HECW2: variants seen among roughly 807,000 people sequenced by gnomAD.
HECW2 encodes E3 ubiquitin-protein ligase HECW2.
A neutral mutation model predicts 175.2 loss-of-function variants in HECW2; 61 were observed. The ratio of observed to expected loss-of-function variants is 0.35; its 90% CI spans 0.28 to 0.43. The LOEUF (loss-of-function observed/expected upper bound fraction) is 0.43, where lower values mean the gene tolerates loss of function less well. Ranked by LOEUF, HECW2 falls within the 20% of genes least tolerant of loss-of-function variation. The pLI is 1.00. For missense variants in HECW2, 1,524 were observed against 2,000.5 expected (o/e 0.76, Z 4.54); for synonymous variants, 671 against 731.0 (o/e 0.92, Z 1.32).
At chr2:196,238,189 A>G (rs1319734701) in intron 21 of HECW2, among the ~76,000 whole-genome samples, 1 of 152,192 alleles carries the variant, frequency 6.6e-6, no homozygotes, top group Non-Finnish European at 1.5e-5. Flanking sequence ...AGATCATGCC[A>G]CTGCACTCCA....
At chr2:196,521,550 T>A (rs2125434695) in intron 1 of HECW2, among the ~76,000 whole-genome samples, 1 of 151,440 alleles carries the variant, frequency 6.6e-6, no homozygotes, top group East Asian at 1.9e-4. Context: ...GTTACATATG[T>A]ATACATGTGC....
intron 1 of HECW2, among the ~76,000 whole-genome samples, chr2:196,444,991 T>G (rs554929578): frequency 3.9e-4 from 59 of 152,206 alleles, no homozygotes; most frequent in Non-Finnish European, 7.1e-4. Context: ...GCAGTGTCCA[T>G]GCAATTCTTA....
chr2:196,393,747 G>A (rs1444214074), intron 2 of HECW2, among the ~76,000 whole-genome samples: 4 of 152,190 alleles, frequency 2.6e-5, no homozygotes, highest in African/African-American at 4.8e-5. Flanking sequence ...ACAGTGTGGC[G>A]ATTCCTCAAG....
intron 1 of HECW2, among the ~76,000 whole-genome samples, chr2:196,457,644 C>T (rs976168968): frequency 2.6e-5 from 4 of 152,158 alleles, no homozygotes; most frequent in Admixed American, 6.5e-5. Context: ...AAGTCAACCA[C>T]ACTGGTCCTT....
intron 1 of HECW2, among the ~76,000 whole-genome samples, chr2:196,491,369 TACACACACACACACACACAC>T (rs67409257): frequency 7.7e-6 from 1 of 130,630 alleles, no homozygotes; most frequent in Non-Finnish European, 1.6e-5. Flanking sequence ...CATATATATA[TACACACACACACACACACAC>T]ACACACACAC....
rs549025066 is a variant in HECW2 at position 196,395,317 on chromosome 2, T to C, written c.292+37815A>G. Among the ~76,000 whole-genome samples, 23 of 152,200 alleles carry C rather than the reference T, an allele frequency of 1.5e-4. No homozygotes were observed. In the East Asian group the frequency reaches 3.5e-3, roughly 23 times the overall value. ...GGATTTGGCAATGATTTCTTGAATATGACACCAAAAACACAGTTAACAGGA... is the reference window on the plus strand; with the variant it reads ...GGATTTGGCAATGATTTCTTGAATACGACACCAAAAACACAGTTAACAGGA... On this transcript the variant is annotated intron_variant, in intron 2 of 28. Transcript: ENST00000644978.
intron 1 of HECW2, among the ~76,000 whole-genome samples, chr2:196,583,695 T>C (rs555454950): frequency 6.6e-6 from 1 of 152,344 alleles, no homozygotes; most frequent in African/African-American, 2.4e-5. Flanking sequence ...CCTGTGTCAA[T>C]TAATATCTGA....
At chr2:196,441,381 A>ACAC (rs1696038226) in intron 1 of HECW2, among the ~76,000 whole-genome samples, 1 of 151,156 alleles carries the variant, frequency 6.6e-6, no homozygotes, top group Non-Finnish European at 1.5e-5. Context: ...CACACACACA[A>ACAC]ACACACACAC....
intron 2 of HECW2, among the ~76,000 whole-genome samples, chr2:196,397,070 C>T (rs1177606083): frequency 2.0e-5 from 3 of 152,094 alleles, no homozygotes; most frequent in Non-Finnish European, 2.9e-5. Context: ...CGAGATGGCG[C>T]CACTGCACTC....
Position 196,324,981 on chromosome 2 carries a change from T to G in HECW2, c.740A>C (p.Glu247Ala). ...SNTTNPIWHR[E>A]KYSFFALLTD... ...GGAGACCCCCGAGGATCATCTTACC[T>G]CTCGGTGCCAAATTGGATTGGTGGT... Residue 247 changes from glutamate to alanine, a missense_variant and splice_region_variant, in exon 6 of 29, where the codon GAG becomes GCG. By Grantham distance (107) the Glu-to-Ala change is moderately radical (BLOSUM62 -1). Transcript: ENST00000644978. 1 of 1,568,010 alleles carries G rather than the reference T, an allele frequency of 6.4e-7. No individual in the cohort carries two copies. The highest frequency in any genetic ancestry group is 8.6e-7 in the Non-Finnish European group (1 of 1,161,312).
chr2:196,222,326 C>T lies in HECW2; in HGVS notation c.4031G>A (p.Ser1344Asn). Residue 1344 changes from serine to asparagine, a missense_variant, in exon 24 of 29, where the codon AGT (serine) becomes AAT (asparagine). Physicochemically the swap from Ser to Asn is conservative, Grantham distance 46. This residue lies in a region of HECW2 where 134 missense variants were observed against 287.8 expected (regional missense o/e 0.47). Coordinates refer to ENST00000644978, the MANE Select transcript of HECW2 (RefSeq NM_001348768.2). ...CTCTTCATCAAGGTATTCTAGGTCA[C>T]TCAGGTCACATAGACTAAGATGACA... is the stretch of plus-strand genomic sequence containing the variant. ...KALLRILCDL[S>N]DLEYLDEEFH... The T allele has an allele frequency of 1.9e-6, 3 of 1,613,578 alleles. No individual in the cohort carries two copies. Among genetic ancestry groups the T allele is most frequent in the South Asian group, 1.1e-5 (1 of 91,040 alleles).
intron 1 of HECW2, among the ~76,000 whole-genome samples, chr2:196,491,523 C>A (rs1184406944): frequency 7.0e-6 from 1 of 143,558 alleles, no homozygotes; most frequent in Non-Finnish European, 1.5e-5. Flanking sequence ...CACACACACA[C>A]ACATATACAC....
At chr2:196,589,152 T>C (rs905294268) in intron 1 of HECW2, among the ~76,000 whole-genome samples, 4 of 152,086 alleles carry the variant, frequency 2.6e-5, no homozygotes, top group African/African-American at 7.2e-5. Context: ...TGAGCCAAGA[T>C]TGCACCACTG....
intron 23 of HECW2, among the ~76,000 whole-genome samples, chr2:196,225,009 G>T (rs969558625): frequency 2.0e-5 from 3 of 152,156 alleles, no homozygotes; most frequent in Admixed American, 2.0e-4. Flanking sequence ...AAGCAAGTGC[G>T]TGGCCTCAGT....
chr2:196,246,408 C>T (rs1376091352), intron 19 of HECW2, among the ~76,000 whole-genome samples: 5 of 151,758 alleles, frequency 3.3e-5, no homozygotes, highest in African/African-American at 9.7e-5. Context: ...TTTCTTTAGA[C>T]GGAGTCTCAC....
chr2:196,246,287 C>T (rs1563380), intron 19 of HECW2, among the ~76,000 whole-genome samples: 89,074 of 152,020 alleles, frequency 0.59, 26,820 homozygotes, highest in Non-Finnish European at 0.66. Flanking sequence ...CAGGGCAGAA[C>T]GCAGCTGTAA....
chr2:196,255,147 A>ATTTTTT lies in HECW2; in HGVS notation c.3420-1124_3420-1119dup, dbSNP rs768416431. On this transcript the variant is annotated intron_variant, in intron 18 of 28. Coordinates refer to ENST00000644978, the MANE Select transcript of HECW2 (RefSeq NM_001348768.2). The stretch of plus-strand genomic sequence containing the variant: ...GTCACCACGTTCAGCTAATTTTTCT[A>ATTTTTT]TTTTTTTTTTTTTTTTTTTTTTTAG... Among the ~76,000 whole-genome samples, 120 of 95,334 alleles carry ATTTTTT rather than the reference A, an allele frequency of 1.3e-3. 6 individuals carry two copies. Among genetic ancestry groups the ATTTTTT allele is most frequent in the Non-Finnish European group, 1.8e-3 (98 of 53,592 alleles). The allele number at this position is 95,334 out of a possible 152,430, so 62.5% of individuals were successfully genotyped here.
At position 196,399,201 on chromosome 2, in the gene HECW2, T is replaced by G. The variant is rs528533837; in HGVS notation, c.292+33931A>C. On this transcript the variant is annotated intron_variant, in intron 2 of 28. Coordinates refer to ENST00000644978, the MANE Select transcript of HECW2 (RefSeq NM_001348768.2). ...CCCAGACTCAGCCCCATTAGAAGTG[T>G]GGAGCATACTTTTGGAGGCTAATTT... Among the ~76,000 whole-genome samples the G allele has an allele frequency of 4.1e-4, 63 of 152,282 alleles. 1 individual carries two copies. The South Asian group carries it at 0.013, about 32-fold the overall frequency.
intron 3 of HECW2, among the ~76,000 whole-genome samples, chr2:196,335,018 A>C (rs1692500635): frequency 6.6e-6 from 1 of 152,246 alleles, no homozygotes; most frequent in Admixed American, 6.5e-5. Flanking sequence ...CATTGACTGT[A>C]GCTCTCAATG....
Sources: gnomAD v4.1 joint callset for allele counts (sites outside exome capture counted in the v4.1 genomes callset) on GRCh38, gnomAD v4.1.1 for gene constraint, gnomAD v4.1.1 regional missense constraint, MANE v1.5 for transcripts, NCBI Gene and HGNC (gene_info 2026-07-23, HGNC 2026-07-21) for gene names.